ARHGEF10: variants seen among roughly 807,000 people sequenced by gnomAD.
ARHGEF10 encodes Rho guanine nucleotide exchange factor (GEF) 10.
ARHGEF10 carries 140 observed loss-of-function variants against 147.4 expected under a neutral mutation model. The ratio of observed to expected loss-of-function variants is 0.95; its 90% CI spans 0.83 to 1.09. The LOEUF is 1.09. Among genes scored for constraint, ARHGEF10 ranks in the 50% least tolerant of loss-of-function variants. The pLI is 0.00. For missense variants in ARHGEF10, 2,222 were observed against 1,752.7 expected, an observed-to-expected ratio of 1.27 and a Z score of -4.78; for synonymous variants, 902 against 695.8, an observed-to-expected ratio of 1.30 and a Z score of -4.67.
chr8:1,865,132 T>C lies in ARHGEF10; in HGVS notation c.545+696T>C, dbSNP rs368140413. On this transcript the variant is annotated intron_variant, in intron 5 of 28. Transcript: ENST00000349830. ...TGATTCAGATTTTCTTTTACCTTTT[T>C]AGGTAACTTTTTGTTTTGATATTAT... Among the ~76,000 whole-genome samples, 5 of 152,376 alleles carry C rather than the reference T, an allele frequency of 3.3e-5. No homozygotes were observed. In the East Asian group the frequency reaches 7.7e-4, roughly 23 times the overall value.
chr8:1,881,500 G>A (rs1038441673), intron 9 of ARHGEF10, among the ~76,000 whole-genome samples: 1 of 152,232 alleles, frequency 6.6e-6, no homozygotes, highest in African/African-American at 2.4e-5. Context: ...ATGGGTGCAG[G>A]GGCCAAGGAA....
intron 1 of ARHGEF10, among the ~76,000 whole-genome samples, chr8:1,824,682 C>T (rs1332447623): frequency 1.0e-5 from 1 of 99,562 alleles, no homozygotes; most frequent in Non-Finnish European, 2.0e-5. Context: ...GTTTACCCTG[C>T]ACCCCAGCTG....
In ARHGEF10 at chr8:1,925,422, C is replaced by G. The variant is rs1812612721; in HGVS notation, c.2610+18C>G. 2 of 1,613,364 alleles carry G rather than the reference C, an allele frequency of 1.2e-6. No homozygotes were observed. Among genetic ancestry groups the G allele is most frequent in the African/African-American group, 2.7e-5 (2 of 74,894 alleles). On this transcript the variant is annotated intron_variant, in intron 22 of 28. Transcript: ENST00000349830. ...AGTTCAAGGTGAAGGGAGGCAGGGC[C>G]CGCGGCCCGGGGTGGGACGCACCTC...
intron 4 of ARHGEF10, among the ~76,000 whole-genome samples, chr8:1,860,933 T>C (rs868355814): frequency 2.0e-4 from 31 of 152,182 alleles, no homozygotes; most frequent in African/African-American, 7.2e-4. Flanking sequence ...TTCCCACTCA[T>C]GCTTTTCCTC....
chr8:1,885,713 A>C lies in ARHGEF10; in HGVS notation c.1182+6A>C. On this transcript the variant is annotated splice_donor_region_variant and intron_variant, in intron 11 of 28. Coordinates refer to ENST00000349830, the MANE Select transcript of ARHGEF10 (RefSeq NM_014629.4). Reference sequence around the variant, plus strand: ...AGGGTTTATCTCAGCAGCAGGTGAGATGAGCAGAGCTGACAGGGGCTGTTG... The same window carrying C: ...AGGGTTTATCTCAGCAGCAGGTGAGCTGAGCAGAGCTGACAGGGGCTGTTG... The C allele has an allele frequency of 6.2e-7, 1 of 1,607,978 alleles. No homozygotes were observed. Among genetic ancestry groups the C allele is most frequent in the South Asian group, 1.1e-5 (1 of 90,958 alleles).
At chr8:1,904,545 T>C (rs981286093) in intron 16 of ARHGEF10, among the ~76,000 whole-genome samples, 3 of 152,206 alleles carry the variant, frequency 2.0e-5, no homozygotes, top group African/African-American at 7.2e-5. Flanking sequence ...TTCAGTTATA[T>C]TCTTGACATG....
intron 11 of ARHGEF10, among the ~76,000 whole-genome samples, chr8:1,888,408 G>C (rs1339856454): frequency 6.8e-6 from 1 of 146,654 alleles, no homozygotes; most frequent in African/African-American, 2.6e-5. Context: ...AGTGGGGTGA[G>C]AGTTGTGAGG....
At chr8:1,906,560 T>C (rs1377153002) in intron 17 of ARHGEF10, among the ~76,000 whole-genome samples, 1 of 152,172 alleles carries the variant, frequency 6.6e-6, no homozygotes. Context: ...GCCAGATATA[T>C]CTGCCTGCCC....
intron 2 of ARHGEF10, among the ~76,000 whole-genome samples, chr8:1,857,410 T>G (rs4552950): frequency 0.014 from 2,133 of 149,094 alleles, 60 homozygotes; most frequent in African/African-American, 0.052. Flanking sequence ...TTACTTTCTC[T>G]TGTTTTCTTT....
chr8:1,842,827 A>C (rs1453252839), intron 1 of ARHGEF10, among the ~76,000 whole-genome samples: 1 of 152,260 alleles, frequency 6.6e-6, no homozygotes, highest in African/African-American at 2.4e-5. Flanking sequence ...TCACAACAGC[A>C]GGCAGGCCGG....
chr8:1,945,335 T>A, intron 26 of ARHGEF10, 146 bp from the exon 27 acceptor site: 1 of 991,586 alleles, frequency 1.0e-6, no homozygotes. Flanking sequence ...GGTGTTTGGT[T>A]GCTGGAGACG....
chr8:1,881,149 G>C (rs1487347191), intron 9 of ARHGEF10, among the ~76,000 whole-genome samples: 1 of 152,196 alleles, frequency 6.6e-6, no homozygotes, highest in Non-Finnish European at 1.5e-5. Context: ...AAGTGGGAAA[G>C]GAAGGCTGGG....
intron 1 of ARHGEF10, among the ~76,000 whole-genome samples, chr8:1,834,258 C>A (rs1803445776): frequency 6.6e-6 from 1 of 152,252 alleles, no homozygotes; most frequent in South Asian, 2.1e-4. Flanking sequence ...TCGTGACTGA[C>A]TGTGTTATAA....
chr8:1,939,063 CTG>C (rs1813862584), intron 26 of ARHGEF10, among the ~76,000 whole-genome samples: 1 of 152,096 alleles, frequency 6.6e-6, no homozygotes, highest in Non-Finnish European at 1.5e-5. Flanking sequence ...ACCCTGAACA[CTG>C]TGGAATCTCA....
At position 1,952,761 on chromosome 8, in the gene ARHGEF10, G is replaced by A. The variant is rs1815161083; in HGVS notation, c.3454G>A (p.Gly1152Ser). ...CGTCTGCCACGGATTGCTGATGGTC[G>A]GCACCAGCCTGGGAGTCCTCGTGGC... ...LLVCHGLLMV[G>S]TSLGVLVALP... Residue 1152 changes from glycine to serine, a missense_variant, in exon 28 of 29, where the codon GGC (glycine) becomes AGC (serine). Physicochemically the swap from Gly to Ser is moderately conservative, Grantham distance 56. Transcript: ENST00000349830. 1.2e-6 allele frequency: 2 copies of A among 1,613,492 alleles called. No individual in the cohort carries two copies. The highest frequency in any genetic ancestry group is 1.3e-5 in the African/African-American group (1 of 75,066).
rs1196487888 is a variant in ARHGEF10 at position 1,864,392 on chromosome 8, A to G, written c.501A>G (p.Glu167=). The G allele has an allele frequency of 8.1e-6, 13 of 1,614,164 alleles. No homozygotes were observed. The highest frequency in any genetic ancestry group is 1.1e-5 in the Non-Finnish European group (13 of 1,180,032). Residue 167 remains glutamate (E), a synonymous_variant, in exon 5 of 29, where the codon GAA becomes GAG. Coordinates refer to ENST00000349830, the MANE Select transcript of ARHGEF10 (RefSeq NM_014629.4). ...LDEEETPEVT[E]DRQPNSLSSE... is the part of the protein sequence containing the mutation. ...CAGCAGAAACACCAGAAGTCACAGA[A>G]GATCGCCAGCCCAATTCTCTGAGTT...
chr8:1,928,384 C>T (rs761355960), intron 23 of ARHGEF10, 43 bp from the exon 24 acceptor site: 19 of 1,591,440 alleles, frequency 1.2e-5, no homozygotes, highest in Non-Finnish European at 1.6e-5. Context: ...ATGGAAGCCG[C>T]CACATGGTCG....
intron 7 of ARHGEF10, among the ~76,000 whole-genome samples, chr8:1,873,396 A>C (rs2129101713): frequency 6.6e-6 from 1 of 151,112 alleles, no homozygotes; most frequent in South Asian, 2.1e-4. Flanking sequence ...CAAGAGGAGA[A>C]AGTCACAGTG....
chr8:1,902,297 C>T lies in ARHGEF10; in HGVS notation c.1651-984C>T, dbSNP rs144623989. Among the ~76,000 whole-genome samples, 19 of 152,254 alleles carry T rather than the reference C, an allele frequency of 1.2e-4. 1 individual carries two copies. The East Asian group carries it at 1.7e-3, about 14-fold the overall frequency. On this transcript the variant is annotated intron_variant, in intron 15 of 28. Coordinates refer to ENST00000349830, the MANE Select transcript of ARHGEF10 (RefSeq NM_014629.4). The stretch of plus-strand genomic sequence containing the variant: ...CAAACGTCAGCGTGTCGAATGTGAA[C>T]GAAAGCTGGGAAACAAAAGGCCCTG...
Sources: gnomAD v4.1 joint callset for allele counts (sites outside exome capture counted in the v4.1 genomes callset) on GRCh38, gnomAD v4.1.1 for gene constraint, MANE v1.5 for transcripts, NCBI Gene and HGNC (gene_info 2026-07-23, HGNC 2026-07-21) for gene names.